GCN1: variants seen among roughly 807,000 people sequenced by gnomAD.
The protein encoded by GCN1 is GCN1 activator of EIF2AK4.
In GCN1, 90 loss-of-function variants were observed where a neutral mutation model predicts 288.4. That is an observed-to-expected ratio of 0.31 (90% CI 0.26 to 0.37). The LOEUF (loss-of-function observed/expected upper bound fraction) is 0.37. GCN1 is among the 10% of genes least tolerant of loss of function. The pLI, the probability that GCN1 is intolerant of heterozygous loss-of-function variation, is 1.00. For missense variants in GCN1, 2,586 were observed against 3,419.9 expected, an observed-to-expected ratio of 0.76 and a Z score of 6.08; for synonymous variants, 1,386 against 1,420.2, an observed-to-expected ratio of 0.98 and a Z score of 0.54.
rs778725803 is a variant in GCN1, at chr12:120,161,861, C to T, written c.2342+19G>A. 1.2e-6 allele frequency: 2 copies of T among 1,610,806 alleles called. No individual in the cohort carries two copies. The highest frequency in any genetic ancestry group is 1.7e-6 in the Non-Finnish European group (2 of 1,177,630). On this transcript the variant is annotated intron_variant, in intron 21 of 57. Coordinates refer to ENST00000300648, the MANE Select transcript of GCN1 (RefSeq NM_006836.2). ...GCCTTGGGGAGCAAAGGAAACTGAGCCCATAAGTGAGGTCTCACCTCTGAA... is the reference window on the plus strand; with the variant it reads ...GCCTTGGGGAGCAAAGGAAACTGAGTCCATAAGTGAGGTCTCACCTCTGAA...
rs572369223 is a variant in GCN1 at position 120,134,232 on chromosome 12, A to G, written c.7317+59T>C. ...TAACACAAAGTGAAGAACTCAACCT[A>G]AGGAGGAGGAGGGAAACCAGTGGTC... On this transcript the variant is annotated intron_variant, in intron 53 of 57. Coordinates refer to ENST00000300648, the MANE Select transcript of GCN1 (RefSeq NM_006836.2). The surrounding 1 kb of genome is among the most constrained non-coding windows in gnomAD (Gnocchi z 5.0). 5 of 1,125,792 alleles carry G rather than the reference A, an allele frequency of 4.4e-6. No individual in the cohort carries two copies. Among genetic ancestry groups the G allele is most frequent in the African/African-American group, 3.0e-5 (2 of 65,856 alleles). 69.7% of individuals were successfully genotyped at this position (1,125,792 alleles called of 1,614,324 possible). A position where few individuals can be genotyped will look rare whatever the true frequency, so the allele number is the denominator to read the frequency against.
rs1407674563 is a variant in GCN1 at position 120,138,740 on chromosome 12, G to A, written c.6111C>T (p.Gly2037=). The A allele has an allele frequency of 1.2e-6, 2 of 1,614,116 alleles. No individual in the cohort carries two copies. Among genetic ancestry groups the A allele is most frequent in the East Asian group, 2.2e-5 (1 of 44,898 alleles). The change falls in exon 46 of 58, where the codon GGC becomes GGT. Residue 2037 remains glycine (G), a synonymous_variant. Transcript: ENST00000300648. ...GGAGAATGTCCTCCAGAGCCTGGTG[G>A]CCGATGGTGGAATGCAGCTGCTCGA... ...KTFEQLHSTI[G]HQALEDILPF...
chr12:120,193,447 A>G lies in GCN1; in HGVS notation c.18+1233T>C, dbSNP rs180748554. On this transcript the variant is annotated intron_variant, in intron 1 of 57. Coordinates refer to ENST00000300648, the MANE Select transcript of GCN1 (RefSeq NM_006836.2). ...CAGCCTCCTGAGTAGCTGGAATTACAGACATGCCACCATACCCGGTTAATT... is the reference window on the plus strand; with the variant it reads ...CAGCCTCCTGAGTAGCTGGAATTACGGACATGCCACCATACCCGGTTAATT... Among the ~76,000 whole-genome samples the G allele has an allele frequency of 6.8e-4, 103 of 152,244 alleles. 1 individual carries two copies. The highest frequency in any genetic ancestry group is 1.8e-3 in the Admixed American group (27 of 15,288).
chr12:120,164,258 C>G, intron 18 of GCN1, 78 bp downstream of exon 18: 3 of 1,315,706 alleles, frequency 2.3e-6, no homozygotes, highest in Non-Finnish European at 2.1e-6. Flanking sequence ...GGGAGTGGCC[C>G]AGCCAAAACC....
In GCN1 at chr12:120,158,584, C is replaced by T; in HGVS notation, c.2781G>A (p.Leu927=). 6.2e-7 allele frequency: 1 copy of T among 1,608,500 alleles called. No individual in the cohort carries two copies. Among genetic ancestry groups the T allele is most frequent in the East Asian group, 2.2e-5 (1 of 44,752 alleles). ...TATCCAGGACACACTCTGGCTTCAG[C>T]AGGCGCAGGGTCACGTGGCTCACCA... ...GTLVSHVTLR[L]LKPECVLDKS... Residue 927 remains leucine (L), a synonymous_variant, in exon 25 of 58, where the codon CTG becomes CTA. Coordinates refer to ENST00000300648, the MANE Select transcript of GCN1 (RefSeq NM_006836.2). This position sits in a 1 kb window ranked among gnomAD's most constrained non-coding sequence, Gnocchi z 4.3.
Position 120,157,858 on chromosome 12 carries a change from C to G in GCN1, c.3078G>C (p.Arg1026=). The G allele has an allele frequency of 1.2e-6, 2 of 1,613,362 alleles. No homozygotes were observed. Among genetic ancestry groups the G allele is most frequent in the South Asian group, 2.2e-5 (2 of 91,076 alleles). ...LRASPNTPPG[R]VDENGPELLP... is the part of the protein sequence containing the mutation. ...GAGCTTCCCTGCCAACCTCGTCCAC[C>G]CGCCCGGGTGGGGTGTTGGGGGAGG... Residue 1026 remains arginine, a synonymous_variant, in exon 26 of 58, where the codon CGG becomes CGC. Coordinates refer to ENST00000300648, the MANE Select transcript of GCN1 (RefSeq NM_006836.2).
At chr12:120,172,429 T>A (rs1405741351) in intron 14 of GCN1, among the ~76,000 whole-genome samples, 1 of 152,188 alleles carries the variant, frequency 6.6e-6, no homozygotes, top group Admixed American at 6.5e-5. Context: ...AAAAGAAATA[T>A]GTGAGTACAA....
intron 34 of GCN1, 111 bp downstream of exon 34, chr12:120,151,034 T>A: frequency 8.3e-7 from 1 of 1,207,452 alleles, no homozygotes; most frequent in Non-Finnish European, 1.2e-6. Flanking sequence ...CCCTCTGTAG[T>A]ACACGCACAA....
Position 120,156,677 on chromosome 12 carries a change from C to T in GCN1, c.3169-73G>A, listed in dbSNP as rs1222751387. 4.8e-6 allele frequency: 7 copies of T among 1,453,066 alleles called. No homozygotes were observed. The highest frequency in any genetic ancestry group is 5.7e-6 in the Non-Finnish European group (6 of 1,044,722). The allele number at this position is 1,453,066 out of a possible 1,614,324, so 90.0% of individuals were successfully genotyped here. A position where few individuals can be genotyped will look rare whatever the true frequency, so the allele number is the denominator to read the frequency against. On this transcript the variant is annotated intron_variant, in intron 27 of 57. Coordinates refer to ENST00000300648, the MANE Select transcript of GCN1 (RefSeq NM_006836.2). The surrounding 1 kb of genome is among the most constrained non-coding windows in gnomAD (Gnocchi z 5.8). Reference sequence around the variant, plus strand: ...CTAGGGGGCCAGAGAGGGATATGCACTGAGAACACCCACCCCTACAGCACT... The same window carrying T: ...CTAGGGGGCCAGAGAGGGATATGCATTGAGAACACCCACCCCTACAGCACT...
chr12:120,171,616 C>A (rs933477338), intron 14 of GCN1, among the ~76,000 whole-genome samples: 1 of 152,090 alleles, frequency 6.6e-6, no homozygotes, highest in East Asian at 1.9e-4. Flanking sequence ...ATACTTGAAT[C>A]CAAGAAATCT....
chr12:120,132,066 C>T (rs773926406), intron 53 of GCN1, 44 bp from the exon 54 acceptor site: 3 of 1,306,472 alleles, frequency 2.3e-6, no homozygotes, highest in South Asian at 1.2e-5. Context: ...GGGAACAACA[C>T]CAGCTGTGTG....
chr12:120,131,098 C>T (rs1876802339), intron 55 of GCN1, 87 bp downstream of exon 55: 1 of 1,212,698 alleles, frequency 8.2e-7, no homozygotes, highest in African/African-American at 1.5e-5. Flanking sequence ...TCTTAAGCCC[C>T]AGTCTGGGGT....
chr12:120,161,785 G>T, intron 21 of GCN1, 95 bp downstream of exon 21: 1 of 1,218,098 alleles, frequency 8.2e-7, no homozygotes, highest in Non-Finnish European at 1.2e-6. Flanking sequence ...ATAGGCTGTT[G>T]CATTCAACTC....
rs1461265251 is a variant in GCN1 at position 120,155,435 on chromosome 12, G to A, written c.3441-5C>T. 6.2e-7 allele frequency: 1 copy of A among 1,612,590 alleles called. No individual in the cohort carries two copies. Among genetic ancestry groups the A allele is most frequent in the Non-Finnish European group, 8.5e-7 (1 of 1,179,168 alleles). On this transcript the variant is annotated splice_region_variant and splice_polypyrimidine_tract_variant and intron_variant, in intron 29 of 57. Transcript: ENST00000300648. This position sits in a 1 kb window ranked among gnomAD's most constrained non-coding sequence, Gnocchi z 4.9. The stretch of plus-strand genomic sequence containing the variant: ...AGGCCCATCATTGACCAGAGCCTGT[G>A]GGAGATCCAAGGCAGGGGCTGCTTA...
Position 120,164,386 on chromosome 12 carries a change from G to C in GCN1, c.1798C>G (p.Leu600Val). The change falls in exon 18 of 58, where the codon CTG becomes GTG. Residue 600 changes from leucine to valine, a missense_variant. Physicochemically the swap from Leu to Val is conservative, Grantham distance 32. Coordinates refer to ENST00000300648, the MANE Select transcript of GCN1 (RefSeq NM_006836.2). ...KLLSSLGGFK[L>V]AHGLLEELKT... The stretch of plus-strand genomic sequence containing the variant: ...AGCTCCTCCAAGAGTCCGTGCGCCA[G>C]CTTAAAGCCCCCAAGAGAGGACAGC... 6.2e-7 allele frequency: 1 copy of C among 1,614,210 alleles called. No individual in the cohort carries two copies.
chr12:120,188,800 G>C (rs530188206), intron 2 of GCN1, among the ~76,000 whole-genome samples: 1 of 148,522 alleles, frequency 6.7e-6, no homozygotes, highest in South Asian at 2.1e-4. Context: ...AGTGAGCTGA[G>C]ATCATGCCAC....
chr12:120,138,227 C>A, intron 47 of GCN1, 96 bp downstream of exon 47: 1 of 955,940 alleles, frequency 1.0e-6, no homozygotes, highest in South Asian at 1.3e-5. Flanking sequence ...CTCCCCCAGC[C>A]CTCCAACATC....
rs1381754056 is a variant in GCN1 at position 120,158,388 on chromosome 12, G to A, written c.2905+72C>T. The stretch of plus-strand genomic sequence containing the variant: ...CCAGGCTCAGGAGGCCCTGGGTGAC[G>A]CTGTGCCTTGAGCAGCATTCCTGGC... On this transcript the variant is annotated intron_variant, in intron 25 of 57. Transcript: ENST00000300648. This position sits in a 1 kb window ranked among gnomAD's most constrained non-coding sequence, Gnocchi z 4.3. 2.1e-5 allele frequency: 27 copies of A among 1,304,772 alleles called. No individual in the cohort carries two copies. The South Asian group carries it at 2.6e-4, about 13-fold the overall frequency. 80.8% of individuals were successfully genotyped at this position (1,304,772 alleles called of 1,614,324 possible).
At chr12:120,149,875 T>A (rs367779802) in intron 35 of GCN1, 47 bp downstream of exon 35, 4 of 1,611,452 alleles carry the variant, frequency 2.5e-6, no homozygotes, top group Admixed American at 1.7e-5. Flanking sequence ...TGGGAACACA[T>A]CTCATAAAGT....
Sources: gnomAD v4.1 joint callset for allele counts (sites outside exome capture counted in the v4.1 genomes callset) on GRCh38, gnomAD v4.1.1 for gene constraint, Gnocchi (gnomAD v3.1) non-coding constraint, MANE v1.5 for transcripts, NCBI Gene and HGNC (gene_info 2026-07-23, HGNC 2026-07-21) for gene names.